The following PUDP variants were observed in gnomAD, a reference collection of about 807,000 sequenced individuals.
The protein encoded by PUDP is pseudouridine-5'-phosphatase.
In PUDP, 8 loss-of-function variants were observed where a neutral mutation model predicts 9.4. That is an observed-to-expected ratio of 0.85 (90% CI 0.50 to 1.53). PUDP has a LOEUF of 1.53. PUDP is among the 40% of genes most tolerant of loss of function. The probability of loss-of-function intolerance (pLI) is 0.00; values close to 1 mark genes in which losing one functional copy is unlikely to be tolerated. For missense variants in PUDP, 188 were observed against 189.7 expected, an observed-to-expected ratio of 0.99 and a Z score of 0.05; for synonymous variants, 99 against 80.7, an observed-to-expected ratio of 1.23 and a Z score of -1.22.
intron 3 of PUDP, among the ~76,000 whole-genome samples, chrX:6,746,582 AC>A (rs1439705498): frequency 9.1e-6 from 1 of 109,334 alleles, no homozygotes; most frequent in East Asian, 2.9e-4. Context: ...CCATCCCCCA[AC>A]AGGCCCCAGT....
chrX:7,008,828 A>C (rs1929438459), intron 1 of PUDP, among the ~76,000 whole-genome samples: 1 of 112,653 alleles, frequency 8.9e-6, no homozygotes, highest in Admixed American at 9.4e-5. Flanking sequence ...CATTTGGAGC[A>C]GTAAGTTTAA....
chrX:7,051,495 C>T (rs983470861), intron 3 of PUDP, among the ~76,000 whole-genome samples: 1 of 110,895 alleles, frequency 9.0e-6, no homozygotes, highest in African/African-American at 3.3e-5. Flanking sequence ...ATCCATGTAA[C>T]CAAAAGCCAC....
intron 3 of PUDP, among the ~76,000 whole-genome samples, chrX:6,851,341 C>T (rs909398385): frequency 8.9e-6 from 1 of 111,840 alleles, no homozygotes; most frequent in African/African-American, 3.2e-5. Flanking sequence ...TTCTTCTGTT[C>T]AGAATCTCAT....
chrX:7,047,152 C>T (rs895419482), downstream of PUDP, among the ~76,000 whole-genome samples: 2 of 111,936 alleles, frequency 1.8e-5, no homozygotes, highest in Non-Finnish European at 1.9e-5. Flanking sequence ...GCAATTAAAT[C>T]GGAACAGGTA....
rs776537824 is a variant in PUDP at position 6,978,408 on chromosome X, A to AT, written c.205-66dup. Among the ~76,000 whole-genome samples, 42 of 111,910 alleles carry AT rather than the reference A, an allele frequency of 3.8e-4. 1 individual carries two copies. Among genetic ancestry groups the AT allele is most frequent in the African/African-American group, 1.3e-3 (39 of 30,835 alleles). On this transcript the variant is annotated intron_variant and NMD_transcript_variant, in intron 1 of 3. Coordinates refer to the PUDP transcript ENST00000655425. ...TACAATGTAAACACTATTTGTATTCATTTTTCCCTGTGCTGTTAACATTTT... is the reference window on the plus strand; with the variant it reads ...TACAATGTAAACACTATTTGTATTCATTTTTTCCCTGTGCTGTTAACATTTT...
intron 3 of PUDP, among the ~76,000 whole-genome samples, chrX:6,878,877 T>C (rs1045812709): frequency 9.0e-6 from 1 of 111,703 alleles, no homozygotes; most frequent in East Asian, 2.8e-4. Flanking sequence ...GATCAAACAA[T>C]ACTTTGCATA....
rs182948834 is a variant in PUDP at position 7,036,977 on chromosome X, G to A, written c.204+40243C>T. Reference sequence around the variant, plus strand: ...ATAACTTTGTTCACGGTTTTTGGCTGCGTTGTGGTATACAATCTTTCCGGT... The same window carrying A: ...ATAACTTTGTTCACGGTTTTTGGCTACGTTGTGGTATACAATCTTTCCGGT... On this transcript the variant is annotated intron_variant and NMD_transcript_variant, in intron 1 of 3. Transcript: ENST00000655425. 1.3e-3 allele frequency among the ~76,000 whole-genome samples: 142 copies of A among 111,934 alleles called. 1 individual carries two copies. The highest frequency in any genetic ancestry group is 9.0e-4 in the Non-Finnish European group (48 of 53,245).
intron 3 of PUDP, among the ~76,000 whole-genome samples, chrX:6,799,022 T>C (rs1227089580): frequency 1.8e-5 from 2 of 111,920 alleles, no homozygotes; most frequent in Non-Finnish European, 3.8e-5. Context: ...CAGTCTCAAG[T>C]AATCCTCCCA....
At chrX:6,875,819 T>C (rs1398920361) in intron 3 of PUDP, among the ~76,000 whole-genome samples, 1 of 112,354 alleles carries the variant, frequency 8.9e-6, no homozygotes, top group Non-Finnish European at 1.9e-5. Context: ...CACACTTGAA[T>C]GATGTGGAAT....
intron 1 of PUDP, among the ~76,000 whole-genome samples, chrX:6,987,567 G>A (rs186752491): frequency 1.8e-5 from 2 of 112,053 alleles, no homozygotes; most frequent in Non-Finnish European, 3.8e-5. Flanking sequence ...ATTGTATATC[G>A]TGACCCACAG....
At chrX:6,984,601 C>A (rs1327245132) in intron 1 of PUDP, among the ~76,000 whole-genome samples, 1 of 111,458 alleles carries the variant, frequency 9.0e-6, no homozygotes, top group South Asian at 3.8e-4. Context: ...AATCAGGAGT[C>A]AAGTAATGCC....
intron 3 of PUDP, among the ~76,000 whole-genome samples, chrX:6,870,593 T>C (rs903362748): frequency 8.9e-6 from 1 of 112,264 alleles, no homozygotes; most frequent in African/African-American, 3.2e-5. Context: ...TTTCCCAGAC[T>C]CAGGTATGTC....
At chrX:6,891,435 T>C (rs944803476) in intron 3 of PUDP, among the ~76,000 whole-genome samples, 1 of 112,060 alleles carries the variant, frequency 8.9e-6, no homozygotes, top group Non-Finnish European at 1.9e-5. Context: ...ATTCACAGGC[T>C]CTCTGCCTTC....
intron 3 of PUDP, among the ~76,000 whole-genome samples, chrX:7,076,707 A>G (rs1680600002): frequency 1.8e-5 from 2 of 111,986 alleles, no homozygotes; most frequent in African/African-American, 6.5e-5. Context: ...CCACTTTCCA[A>G]TGGAGAAATG....
At chrX:6,720,135 CGTGTGTATATATAT>C (rs1158662877) in intron 1 of PUDP, among the ~76,000 whole-genome samples, 12 of 95,890 alleles carry the variant, frequency 1.3e-4, no homozygotes, top group African/African-American at 3.6e-4. Flanking sequence ...TATATATATA[CGTGTGTATATATAT>C]GTGTGTATAT....
chrX:6,956,543 A>G (rs1928631087), intron 3 of PUDP, among the ~76,000 whole-genome samples: 1 of 111,870 alleles, frequency 8.9e-6, no homozygotes, highest in Non-Finnish European at 1.9e-5. Flanking sequence ...GAAAAACATC[A>G]GTCTGAACTA....
chrX:7,027,877 A>G (rs1202960253), intron 1 of PUDP, among the ~76,000 whole-genome samples: 1 of 81,116 alleles, frequency 1.2e-5, no homozygotes, highest in Non-Finnish European at 2.4e-5. Context: ...TATAGAATAT[A>G]TTATTTTCTA....
intron 3 of PUDP, among the ~76,000 whole-genome samples, chrX:6,782,604 A>G (rs2146684729): frequency 9.0e-6 from 1 of 110,964 alleles, no homozygotes; most frequent in Admixed American, 9.6e-5. Flanking sequence ...AAATAACCAC[A>G]TCTACGATTT....
intron 3 of PUDP, among the ~76,000 whole-genome samples, chrX:6,834,413 G>A (rs1340042849): frequency 9.0e-6 from 1 of 111,401 alleles, no homozygotes; most frequent in Non-Finnish European, 1.9e-5. Context: ...CAGGATTTAG[G>A]TGACAGTTAA....
Sources: allele counts gnomAD v4.1 joint callset (sites outside exome capture counted in the v4.1 genomes callset), GRCh38; gene constraint gnomAD v4.1.1; transcripts MANE v1.5; gene names NCBI Gene and HGNC (gene_info 2026-07-23, HGNC 2026-07-21).